Variants in UBE2E2 observed in about 807,000 individuals in gnomAD.
UBE2E2 encodes ubiquitin conjugating enzyme E2 E2, also known as ubiquitin-conjugating enzyme E2 E2.
In UBE2E2, 6 loss-of-function variants were observed where a neutral mutation model predicts 24.7. The observed-to-expected ratio is 0.24, with a 90% CI of 0.13 to 0.48. The LOEUF is 0.48. UBE2E2 is among the 20% of genes least tolerant of loss of function. UBE2E2 has a pLI of 0.99. For missense variants in UBE2E2, 169 were observed against 245.0 expected (o/e 0.69, Z 2.07); for synonymous variants, 104 against 83.6 (o/e 1.24, Z -1.33).
chr3:23,224,290 C>G (rs1696756089), intron 3 of UBE2E2, among the ~76,000 whole-genome samples: 1 of 149,776 alleles, frequency 6.7e-6, no homozygotes, highest in Admixed American at 6.8e-5. Context: ...TCTTCTAATC[C>G]ATGAACATAG....
chr3:23,475,312 C>T (rs1274906073), intron 3 of UBE2E2, among the ~76,000 whole-genome samples: 4 of 152,094 alleles, frequency 2.6e-5, no homozygotes, highest in Non-Finnish European at 5.9e-5. Flanking sequence ...CTCTGCAATA[C>T]AGCCCTTTTT....
At chr3:23,204,510 C>G (rs1696092930) in intron 1 of UBE2E2, among the ~76,000 whole-genome samples, 1 of 152,148 alleles carries the variant, frequency 6.6e-6, no homozygotes, top group Non-Finnish European at 1.5e-5. Flanking sequence ...TCCCTGATTT[C>G]TTTAAAAAGT....
At chr3:23,354,956 A>G (rs1469430303) in intron 3 of UBE2E2, among the ~76,000 whole-genome samples, 4 of 152,064 alleles carry the variant, frequency 2.6e-5, no homozygotes, top group Non-Finnish European at 2.9e-5. Context: ...ACTATTCACA[A>G]TAGCAAAGAC....
At chr3:23,255,332 G>A (rs561138889) in intron 3 of UBE2E2, among the ~76,000 whole-genome samples, 3 of 151,394 alleles carry the variant, frequency 2.0e-5, no homozygotes, top group East Asian at 3.9e-4. Flanking sequence ...CAGCTCAAGC[G>A]ATCCGTGTTC....
At chr3:23,535,618 C>CCT (rs1695241777) in intron 5 of UBE2E2, among the ~76,000 whole-genome samples, 1 of 86,020 alleles carries the variant, frequency 1.2e-5, no homozygotes, top group African/African-American at 4.7e-5. Flanking sequence ...ATAGAGCATT[C>CCT]TTTTTTTTTT....
At chr3:23,272,381 C>T (rs1039246259) in intron 3 of UBE2E2, among the ~76,000 whole-genome samples, 1 of 151,708 alleles carries the variant, frequency 6.6e-6, no homozygotes, top group African/African-American at 2.4e-5. Flanking sequence ...CCACCCGTGC[C>T]TCTCCTTCCA....
intron 3 of UBE2E2, among the ~76,000 whole-genome samples, chr3:23,299,139 C>T (rs543850207): frequency 9.9e-5 from 15 of 152,200 alleles, no homozygotes; most frequent in African/African-American, 3.4e-4. Flanking sequence ...TTGATATCCC[C>T]GTTATCATTT....
intron 3 of UBE2E2, among the ~76,000 whole-genome samples, chr3:23,446,702 T>TTG (rs1553612089): frequency 1.4e-5 from 2 of 139,480 alleles, no homozygotes; most frequent in African/African-American, 5.7e-5. Flanking sequence ...CTGTTTGGTT[T>TTG]TTTTTTTTTT....
chr3:23,289,108 A>G (rs1160886715), intron 3 of UBE2E2, among the ~76,000 whole-genome samples: 1 of 152,220 alleles, frequency 6.6e-6, no homozygotes, highest in Non-Finnish European at 1.5e-5. Context: ...AGGGAGGACA[A>G]TTGGTGGAGG....
chr3:23,484,728 C>T (rs1372970037), intron 3 of UBE2E2, among the ~76,000 whole-genome samples: 1 of 152,072 alleles, frequency 6.6e-6, no homozygotes, highest in East Asian at 1.9e-4. Context: ...ACAATCATGG[C>T]GCGAGGTGAA....
intron 3 of UBE2E2, among the ~76,000 whole-genome samples, chr3:23,255,909 A>G (rs1340235025): frequency 6.6e-6 from 1 of 152,136 alleles, no homozygotes; most frequent in Non-Finnish European, 1.5e-5. Flanking sequence ...GGCTGTGGTA[A>G]GCAATGATTT....
intron 3 of UBE2E2, among the ~76,000 whole-genome samples, chr3:23,441,552 A>AAAAAAAAAAG (rs1200706898): frequency 6.6e-6 from 1 of 151,230 alleles, no homozygotes; most frequent in Non-Finnish European, 1.5e-5. Context: ...AAAAAAAAAA[A>AAAAAAAAAAG]AAGAATTGGG....
intron 3 of UBE2E2, among the ~76,000 whole-genome samples, chr3:23,398,330 A>AAAAC (rs1697130845): frequency 2.0e-5 from 3 of 151,682 alleles, no homozygotes; most frequent in African/African-American, 7.3e-5. Flanking sequence ...AAAACAAAAA[A>AAAAC]AAACTTGGAA....
At position 23,436,379 on chromosome 3, in the gene UBE2E2, T is replaced by C. The variant is rs541630204; in HGVS notation, c.228-63229T>C. On this transcript the variant is annotated intron_variant, in intron 3 of 5. Coordinates refer to ENST00000396703, the MANE Select transcript of UBE2E2 (RefSeq NM_152653.4). Reference sequence around the variant, plus strand: ...GAATGACATGTTAACATTTCGTTAGTAATTGAGTACTTTGCTTTCACTGGG... The same window carrying C: ...GAATGACATGTTAACATTTCGTTAGCAATTGAGTACTTTGCTTTCACTGGG... Among the ~76,000 whole-genome samples, 7 of 152,338 alleles carry C rather than the reference T, an allele frequency of 4.6e-5. No homozygotes were observed. The East Asian group carries it at 1.4e-3, about 29-fold the overall frequency.
intron 4 of UBE2E2, among the ~76,000 whole-genome samples, chr3:23,508,819 A>G (rs776803551): frequency 6.6e-6 from 1 of 152,184 alleles, no homozygotes; most frequent in African/African-American, 2.4e-5. Context: ...TTCACGATGG[A>G]TGTTCTTCCG....
At chr3:23,570,798 A>T (rs908538490) in intron 5 of UBE2E2, among the ~76,000 whole-genome samples, 4 of 152,244 alleles carry the variant, frequency 2.6e-5, no homozygotes, top group African/African-American at 9.6e-5. Context: ...TCTTTGCTAA[A>T]TCAAATAATA....
chr3:23,494,087 T>G (rs1012436268), intron 3 of UBE2E2, among the ~76,000 whole-genome samples: 1 of 152,258 alleles, frequency 6.6e-6, no homozygotes, highest in Admixed American at 6.5e-5. Context: ...TTAGTCTGAC[T>G]CCAGAGCCTG....
intron 3 of UBE2E2, among the ~76,000 whole-genome samples, chr3:23,452,704 T>A (rs943211394): frequency 6.6e-6 from 1 of 152,290 alleles, no homozygotes; most frequent in South Asian, 2.1e-4. Flanking sequence ...TTATCCCTGA[T>A]GGGAGAAAGA....
At chr3:23,291,896 T>G (rs1269243421) in intron 3 of UBE2E2, among the ~76,000 whole-genome samples, 1 of 139,362 alleles carries the variant, frequency 7.2e-6, no homozygotes, top group African/African-American at 2.7e-5. Flanking sequence ...TCTCGCTCTT[T>G]GGCCCAGGCC....
Sources: gnomAD v4.1 joint callset for allele counts (sites outside exome capture counted in the v4.1 genomes callset) on GRCh38, gnomAD v4.1.1 for gene constraint, MANE v1.5 for transcripts, NCBI Gene and HGNC (gene_info 2026-07-23, HGNC 2026-07-21) for gene names.